The following DYRK1A variants were observed in gnomAD, a reference collection of about 807,000 sequenced individuals.
DYRK1A encodes the protein dual specificity tyrosine phosphorylation regulated kinase 1A.
Under a neutral mutation model 79.7 loss-of-function variants are expected in DYRK1A, and 9 were observed. The ratio of observed to expected loss-of-function variants is 0.11; its 90% CI spans 0.07 to 0.20. The LOEUF (loss-of-function observed/expected upper bound fraction) is 0.20. DYRK1A is among the 10% of genes least tolerant of loss of function. The probability of loss-of-function intolerance (pLI) is 1.00; values close to 1 mark genes in which losing one functional copy is unlikely to be tolerated. For missense variants in DYRK1A, 622 were observed against 956.0 expected (o/e 0.65, Z 4.61); for synonymous variants, 349 against 329.7 (o/e 1.06, Z -0.63).
intron 5 of DYRK1A, chr21:37,481,253 G>A (rs894941617): frequency 1.3e-5 from 2 of 153,248 alleles, no homozygotes; most frequent in African/African-American, 4.8e-5. Flanking sequence ...GGAGGCTTTG[G>A]AAAGCTGGGG....
At chr21:37,406,890 G>A (rs1383174334) in intron 1 of DYRK1A, among the ~76,000 whole-genome samples, 6 of 145,158 alleles carry the variant, frequency 4.1e-5, no homozygotes, top group Admixed American at 6.9e-5. Context: ...CCTAATTACC[G>A]TTATTTAGAA....
intron 9 of DYRK1A, among the ~76,000 whole-genome samples, chr21:37,500,908 A>G (rs2053423075): frequency 6.6e-6 from 1 of 151,078 alleles, no homozygotes; most frequent in Middle Eastern, 3.4e-3. Flanking sequence ...GCAGACAACC[A>G]GCTTTTGACT....
chr21:37,395,202 C>T (rs574514991), intron 1 of DYRK1A, among the ~76,000 whole-genome samples: 15 of 152,266 alleles, frequency 9.9e-5, no homozygotes, highest in Admixed American at 2.0e-4. Context: ...GGAGTCCGTC[C>T]GAAAGCTCAC....
chr21:37,452,894 A>C (rs2051505827), intron 2 of DYRK1A, among the ~76,000 whole-genome samples: 1 of 152,096 alleles, frequency 6.6e-6, no homozygotes, highest in South Asian at 2.1e-4. Context: ...CAGCACTGCC[A>C]ATAGAAATGT....
At chr21:37,445,917 G>C (rs928024466) in intron 2 of DYRK1A, among the ~76,000 whole-genome samples, 3 of 152,158 alleles carry the variant, frequency 2.0e-5, no homozygotes, top group Non-Finnish European at 2.9e-5. Flanking sequence ...GTTGAGGTGG[G>C]AGTATTGCTT....
intron 2 of DYRK1A, among the ~76,000 whole-genome samples, chr21:37,452,644 G>C (rs980276918): frequency 5.3e-5 from 8 of 152,086 alleles, no homozygotes; most frequent in African/African-American, 1.9e-4. Flanking sequence ...CCTGTCATAG[G>C]AGATGGGGAG....
intron 3 of DYRK1A, among the ~76,000 whole-genome samples, chr21:37,475,408 T>G (rs1338710352): frequency 6.6e-6 from 1 of 152,226 alleles, no homozygotes; most frequent in African/African-American, 2.4e-5. Context: ...GTCAGATGCT[T>G]AGGGCTGGCC....
chr21:37,470,814 T>C (rs2052196914), intron 2 of DYRK1A, among the ~76,000 whole-genome samples: 1 of 152,234 alleles, frequency 6.6e-6, no homozygotes, highest in Non-Finnish European at 1.5e-5. Flanking sequence ...AGTGTAAGTT[T>C]GTAGAAGTTC....
chr21:37,424,692 A>G (rs1482638391), intron 2 of DYRK1A, among the ~76,000 whole-genome samples: 7 of 152,104 alleles, frequency 4.6e-5, no homozygotes, highest in African/African-American at 1.4e-4. Context: ...CTTATTTCCT[A>G]GTTAAGTTAG....
chr21:37,408,100 A>ATT (rs1402987489), intron 1 of DYRK1A, among the ~76,000 whole-genome samples: 1 of 152,220 alleles, frequency 6.6e-6, no homozygotes, highest in African/African-American at 2.4e-5. Flanking sequence ...TGCTCAAGCT[A>ATT]TTTTAACCCT....
chr21:37,418,804 T>G (rs1427204794), intron 1 of DYRK1A: 1 of 152,198 alleles, frequency 6.6e-6, no homozygotes, highest in African/African-American at 2.4e-5. Context: ...GTAGGTCTAG[T>G]GTTTAATGTA....
chr21:37,466,633 A>C (rs2052034210), intron 2 of DYRK1A, among the ~76,000 whole-genome samples: 1 of 152,160 alleles, frequency 6.6e-6, no homozygotes, highest in Non-Finnish European at 1.5e-5. Flanking sequence ...ATAACAGATA[A>C]AGCAAAAAGC....
chr21:37,435,432 C>T (rs1258388777), intron 2 of DYRK1A, among the ~76,000 whole-genome samples: 3 of 152,156 alleles, frequency 2.0e-5, no homozygotes, highest in Non-Finnish European at 4.4e-5. Flanking sequence ...TGCAGCAGTT[C>T]CCACTCACTG....
chr21:37,433,173 TTAAG>T (rs1478347031), intron 2 of DYRK1A, among the ~76,000 whole-genome samples: 1 of 151,950 alleles, frequency 6.6e-6, no homozygotes, highest in African/African-American at 2.4e-5. Flanking sequence ...ACTCCATAAT[TTAAG>T]TAACTTTAAA....
chr21:37,504,386 C>G (rs867108305), intron 9 of DYRK1A: 1 of 152,242 alleles, frequency 6.6e-6, no homozygotes, highest in Non-Finnish European at 1.5e-5. Context: ...GGCTTACTTG[C>G]GCCTTCTCCC....
upstream of DYRK1A, among the ~76,000 whole-genome samples, chr21:37,366,398 CGGCGCG>C (rs1425251118): frequency 3.4e-5 from 5 of 145,254 alleles, no homozygotes; most frequent in African/African-American, 9.8e-5. Context: ...GGGCCGCAGT[CGGCGCG>C]GGCGCGGGGC....
intron 1 of DYRK1A, among the ~76,000 whole-genome samples, chr21:37,389,197 C>CT (rs1429158442): frequency 2.6e-5 from 4 of 151,426 alleles, no homozygotes; most frequent in Admixed American, 1.3e-4. Context: ...CTCTCTCTCT[C>CT]TTTTTTTAAA....
chr21:37,406,619 T>C (rs1282977289), intron 1 of DYRK1A, among the ~76,000 whole-genome samples: 3 of 151,942 alleles, frequency 2.0e-5, no homozygotes, highest in Non-Finnish European at 4.4e-5. Context: ...TGAGAATTGC[T>C]TGAACCCGGG....
At chr21:37,389,478 C>G in intron 1 of DYRK1A, among the ~76,000 whole-genome samples, 1 of 152,214 alleles carries the variant, frequency 6.6e-6, no homozygotes, top group South Asian at 2.1e-4. Context: ...AAGAATATTT[C>G]TGATTCGAGG....
Sources: allele counts gnomAD v4.1 joint callset (sites outside exome capture counted in the v4.1 genomes callset), GRCh38; gene constraint gnomAD v4.1.1; transcripts MANE v1.5; gene names NCBI Gene and HGNC (gene_info 2026-07-23, HGNC 2026-07-21).